Variants in ADI1 observed in about 807,000 individuals in gnomAD.
The protein encoded by ADI1 is acireductone dioxygenase 1, also known as acireductone dioxygenase.
ADI1 carries 21 observed loss-of-function variants against 18.7 expected under a neutral mutation model. The ratio of observed to expected loss-of-function variants is 1.13; its 90% CI spans 0.80 to 1.62. The LOEUF is 1.62. Ranked by LOEUF, ADI1 falls within the 40% of genes most tolerant of loss-of-function variation. The pLI, the probability that ADI1 is intolerant of heterozygous loss-of-function variation, is 0.00. For missense variants in ADI1, 245 were observed against 254.9 expected (o/e 0.96, Z 0.26); for synonymous variants, 90 against 100.1 (o/e 0.90, Z 0.60).
rs200123387 is a variant in ADI1, at chr2:3,513,991, C to T, written c.121-15G>A. On this transcript the variant is annotated splice_polypyrimidine_tract_variant and intron_variant, in intron 1 of 3. Transcript: ENST00000327435. ...TCAGCATCCAGCTAAAAGAGTTAAC[C>T]CACCAAAAACAAGAGCTCAGATTAA... 489 of 1,580,580 alleles carry T rather than the reference C, an allele frequency of 3.1e-4. No homozygotes were observed. Among genetic ancestry groups the T allele is most frequent in the Non-Finnish European group, 3.8e-4 (449 of 1,170,254 alleles).
intron 3 of ADI1, among the ~76,000 whole-genome samples, chr2:3,499,538 T>C (rs4624417): frequency 0.5 from 75,876 of 152,150 alleles, 22,252 homozygotes; most frequent in African/African-American, 0.83. Flanking sequence ...ATTCAGTTTT[T>C]ACTTTTAGGA....
rs139760768 is a variant in ADI1, at chr2:3,511,067, G to A, written c.240+2790C>T. Among the ~76,000 whole-genome samples, 656 of 152,314 alleles carry A rather than the reference G, an allele frequency of 4.3e-3. 5 individuals carry two copies. Among genetic ancestry groups the A allele is most frequent in the Middle Eastern group, 0.01 (3 of 294 alleles). On this transcript the variant is annotated intron_variant, in intron 2 of 3. Transcript: ENST00000327435. Reference sequence around the variant, plus strand: ...GCCTGGTGGGAGGTGACTGGATCACGGGAATGGATTTCTCATGAATGGTTC... The same window carrying A: ...GCCTGGTGGGAGGTGACTGGATCACAGGAATGGATTTCTCATGAATGGTTC...
At chr2:3,503,945 C>A (rs1472770759) in intron 2 of ADI1, among the ~76,000 whole-genome samples, 1 of 152,156 alleles carries the variant, frequency 6.6e-6, no homozygotes, top group Non-Finnish European at 1.5e-5. Flanking sequence ...AAAACCAACC[C>A]CCGGGTGAGC....
intron 2 of ADI1, among the ~76,000 whole-genome samples, chr2:3,504,081 T>C (rs1667115122): frequency 6.6e-6 from 1 of 152,154 alleles, no homozygotes; most frequent in African/African-American, 2.4e-5. Context: ...TTCCACACAT[T>C]TCTTACTAGT....
intron 2 of ADI1, among the ~76,000 whole-genome samples, chr2:3,508,268 G>C (rs1203691470): frequency 6.9e-6 from 1 of 144,222 alleles, no homozygotes; most frequent in Non-Finnish European, 1.5e-5. Flanking sequence ...CTAGGAGGTG[G>C]AGCTTGCAGT....
chr2:3,517,407 T>A (rs1218407790), intron 1 of ADI1: 2 of 152,210 alleles, frequency 1.3e-5, no homozygotes, highest in East Asian at 3.8e-4. Context: ...TAAAAGCTAA[T>A]TAGATCTTTA....
Position 3,498,918 on chromosome 2 carries a change from A to G in ADI1, c.*45T>C, listed in dbSNP as rs747698961. ...GATTGATTTTCTGCTCAGTCATTAC[A>G]TTGGGGACCTTTACGAGGCACGTGT... On this transcript the variant is annotated 3_prime_UTR_variant, in exon 4 of 4. Coordinates refer to ENST00000327435, the MANE Select transcript of ADI1 (RefSeq NM_018269.4). 3.2e-6 allele frequency: 5 copies of G among 1,576,828 alleles called. No individual in the cohort carries two copies. The highest frequency in any genetic ancestry group is 4.3e-6 in the Non-Finnish European group (5 of 1,153,604).
In ADI1 at chr2:3,497,856, G is replaced by C. The variant is rs866533874; in HGVS notation, c.*1107C>G. 8 of 152,088 alleles carry C rather than the reference G, an allele frequency of 5.3e-5. No individual in the cohort carries two copies. Among genetic ancestry groups the C allele is most frequent in the Non-Finnish European group, 8.8e-5 (6 of 68,016 alleles). The allele number at this position is 152,088 out of a possible 1,614,324, so 9.4% of individuals were successfully genotyped here. On this transcript the variant is annotated 3_prime_UTR_variant, in exon 4 of 4. Coordinates refer to ENST00000327435, the MANE Select transcript of ADI1 (RefSeq NM_018269.4). ...CGATAGTTTATCATATGAATGTTTC[G>C]TTCTTAAAAATGAACAAGCTCTATT...
intron 1 of ADI1, among the ~76,000 whole-genome samples, chr2:3,518,502 G>C (rs966707714): frequency 3.9e-5 from 6 of 152,210 alleles, no homozygotes; most frequent in African/African-American, 1.4e-4. Flanking sequence ...GCAAGCAACG[G>C]GACACCGGTG....
intron 3 of ADI1, 35 bp downstream of exon 3, chr2:3,500,779 A>G (rs1207739002): frequency 2.5e-6 from 4 of 1,611,742 alleles, no homozygotes; most frequent in Middle Eastern, 1.7e-4. Context: ...GCCACCACAC[A>G]GGCCGGGCCT....
At chr2:3,509,956 C>T (rs1667261235) in intron 2 of ADI1, among the ~76,000 whole-genome samples, 1 of 151,960 alleles carries the variant, frequency 6.6e-6, no homozygotes, top group South Asian at 2.1e-4. Context: ...CCAGCCTGAC[C>T]AACATGGAGA....
intron 1 of ADI1, among the ~76,000 whole-genome samples, chr2:3,518,367 A>C (rs1329663812): frequency 6.6e-6 from 1 of 152,224 alleles, no homozygotes; most frequent in Non-Finnish European, 1.5e-5. Context: ...ATGAATGAAG[A>C]TTAGATCCAG....
chr2:3,504,693 A>ACCTGCGTATGTTTGTATTGTTGGTTCG (rs1667132966), intron 2 of ADI1, among the ~76,000 whole-genome samples: 1 of 152,034 alleles, frequency 6.6e-6, no homozygotes, highest in Non-Finnish European at 1.5e-5. Context: ...TTGTTGGTTC[A>ACCTGCGTATGTTTGTATTGTTGGTTCG]CCTGTGTATG....
intron 2 of ADI1, among the ~76,000 whole-genome samples, chr2:3,509,903 G>T (rs1667259695): frequency 6.6e-6 from 1 of 151,918 alleles, no homozygotes; most frequent in African/African-American, 2.4e-5. Flanking sequence ...CAGCACTTTG[G>T]GAGGCCAAGA....
In ADI1 at chr2:3,506,195, T is replaced by C. The variant is rs551464176; in HGVS notation, c.241-5202A>G. On this transcript the variant is annotated intron_variant, in intron 2 of 3. Coordinates refer to ENST00000327435, the MANE Select transcript of ADI1 (RefSeq NM_018269.4). ...CACAGGCTGACTACAAGACTGAGAC[T>C]GTCCTAGCTAATGCAATATGAAGAA... 3.3e-5 allele frequency among the ~76,000 whole-genome samples: 5 copies of C among 152,304 alleles called. No homozygotes were observed. The East Asian group carries it at 9.6e-4, about 29-fold the overall frequency.
At chr2:3,516,846 C>T (rs2103214614) in intron 1 of ADI1, 1 of 985,310 alleles carries the variant, frequency 1.0e-6, no homozygotes, top group South Asian at 4.7e-5. Flanking sequence ...ACATGTGTTA[C>T]CTCTGTTAAA....
At chr2:3,509,371 C>T (rs893421397) in intron 2 of ADI1, among the ~76,000 whole-genome samples, 1 of 152,098 alleles carries the variant, frequency 6.6e-6, no homozygotes. Context: ...CAATGGAATA[C>T]CCATTCTTCT....
At chr2:3,512,902 G>T (rs1302647206) in intron 2 of ADI1, among the ~76,000 whole-genome samples, 1 of 152,226 alleles carries the variant, frequency 6.6e-6, no homozygotes, top group East Asian at 1.9e-4. Context: ...TCCCATGAGA[G>T]CAACCTCAGG....
At chr2:3,514,027 T>A in intron 1 of ADI1, 51 bp from the exon 2 acceptor site, 1 of 1,546,024 alleles carries the variant, frequency 6.5e-7, no homozygotes, top group South Asian at 1.2e-5. Flanking sequence ...CAAGGAGATG[T>A]AGAAACATTC....
Sources: allele counts gnomAD v4.1 joint callset (sites outside exome capture counted in the v4.1 genomes callset), GRCh38; gene constraint gnomAD v4.1.1; transcripts MANE v1.5; gene names NCBI Gene and HGNC (gene_info 2026-07-23, HGNC 2026-07-21).